The following RAP1GAP2 variants were observed in gnomAD, a reference collection of about 807,000 sequenced individuals.
RAP1GAP2 encodes the protein rap1 GTPase-activating protein 2.
RAP1GAP2 carries 27 observed loss-of-function variants against 95.0 expected under a neutral mutation model. That is an observed-to-expected ratio of 0.28 (90% CI 0.21 to 0.39). The LOEUF is 0.39. Among genes scored for constraint, RAP1GAP2 ranks in the 10% least tolerant of loss-of-function variants. RAP1GAP2 has a pLI of 1.00. For synonymous variants in RAP1GAP2, 373 were observed against 380.9 expected, an observed-to-expected ratio of 0.98 and a Z score of 0.24; for missense variants, 771 against 970.0, an observed-to-expected ratio of 0.79 and a Z score of 2.72.
intron 1 of RAP1GAP2, among the ~76,000 whole-genome samples, chr17:2,769,770 C>T (rs549230659): frequency 9.8e-4 from 149 of 151,980 alleles, no homozygotes; most frequent in African/African-American, 3.5e-3. Context: ...CAACTAACTT[C>T]TAGAAAGCTT....
intron 2 of RAP1GAP2, among the ~76,000 whole-genome samples, chr17:2,880,653 C>T (rs777278590): frequency 2.0e-5 from 3 of 151,984 alleles, no homozygotes; most frequent in Non-Finnish European, 4.4e-5. Context: ...TCCCCCATCC[C>T]GAAGCAACTA....
At chr17:2,985,142 C>T (rs1413975989) in intron 11 of RAP1GAP2, 76 bp downstream of exon 11, 41 of 1,595,410 alleles carry the variant, frequency 2.6e-5, no homozygotes, top group Non-Finnish European at 3.2e-5. Flanking sequence ...CCACCCAGAA[C>T]ACAGGAGTCC....
intron 2 of RAP1GAP2, among the ~76,000 whole-genome samples, chr17:2,864,108 C>T (rs147666602): frequency 7.9e-5 from 12 of 151,900 alleles, no homozygotes; most frequent in East Asian, 1.9e-4. Flanking sequence ...CCGTCTTGTC[C>T]CGTACGTAGC....
At chr17:2,826,349 G>A (rs1235882113) in intron 2 of RAP1GAP2, among the ~76,000 whole-genome samples, 2 of 151,808 alleles carry the variant, frequency 1.3e-5, no homozygotes, top group Non-Finnish European at 2.9e-5. Flanking sequence ...GCGGGTGGGT[G>A]GGGAAGTGTG....
intron 14 of RAP1GAP2, among the ~76,000 whole-genome samples, chr17:3,001,665 GCTGAACTA>G (rs1370222673): frequency 6.6e-6 from 1 of 152,254 alleles, no homozygotes; most frequent in Non-Finnish European, 1.5e-5. Context: ...CCACTGGGCA[GCTGAACTA>G]CTCAACTGCT....
At chr17:2,888,805 C>A (rs1327047256) in intron 2 of RAP1GAP2, among the ~76,000 whole-genome samples, 2 of 145,642 alleles carry the variant, frequency 1.4e-5, no homozygotes, top group Non-Finnish European at 3.0e-5. Flanking sequence ...TGTACACCAC[C>A]ACGCCCAGCT....
chr17:2,926,188 T>C (rs531450158), intron 3 of RAP1GAP2, among the ~76,000 whole-genome samples: 31 of 150,434 alleles, frequency 2.1e-4, no homozygotes, highest in Admixed American at 5.3e-4. Flanking sequence ...TGGGGGTAAC[T>C]GAGCTTAGTG....
At chr17:2,758,893 C>T (rs2071196962) in intron 1 of RAP1GAP2, among the ~76,000 whole-genome samples, 1 of 152,112 alleles carries the variant, frequency 6.6e-6, no homozygotes, top group African/African-American at 2.4e-5. Flanking sequence ...GCGATCACAG[C>T]TCACTGCAGC....
At chr17:3,018,405 C>T (rs1022603208) in intron 18 of RAP1GAP2, among the ~76,000 whole-genome samples, 1 of 152,098 alleles carries the variant, frequency 6.6e-6, no homozygotes, top group Non-Finnish European at 1.5e-5. Flanking sequence ...TAGACAGCAC[C>T]CGGGGTTGAC....
intron 2 of RAP1GAP2, among the ~76,000 whole-genome samples, chr17:2,877,105 T>C (rs2073127875): frequency 6.6e-6 from 1 of 151,874 alleles, no homozygotes; most frequent in Non-Finnish European, 1.5e-5. Flanking sequence ...CTCAGGCTGG[T>C]CTCGAACTCC....
chr17:2,853,848 C>T (rs1352596903), intron 2 of RAP1GAP2: 24 of 894,306 alleles, frequency 2.7e-5, no homozygotes, highest in Non-Finnish European at 3.2e-5. Context: ...GGTCACCTGA[C>T]CCCCGGGGCG....
chr17:2,796,340 G>T, upstream of RAP1GAP2: 1 of 648,132 alleles, frequency 1.5e-6, no homozygotes, highest in East Asian at 2.7e-5. This position sits in a 1 kb window ranked among gnomAD's most constrained non-coding sequence, Gnocchi z 4.7. Flanking sequence ...TGGAGTGCAG[G>T]ACACACCTCC....
rs1438286016 is a variant in RAP1GAP2 at position 3,027,801 on chromosome 17, A to C, written c.2107+731A>C. Among the ~76,000 whole-genome samples, 1 of 97,944 alleles carries C rather than the reference A, an allele frequency of 1.0e-5. No individual in the cohort carries two copies. Among genetic ancestry groups the C allele is most frequent in the East Asian group, 3.3e-4 (1 of 3,022 alleles). 64.3% of individuals were successfully genotyped at this position (97,944 alleles called of 152,430 possible). A position where few individuals can be genotyped will look rare whatever the true frequency, so the allele number is the denominator to read the frequency against. ...GGAGGGATGGAGGGGAGGGGAGAGG[A>C]GGGGAGGGGAGCTGCGGCAGAAGCA... On this transcript the variant is annotated intron_variant, in intron 22 of 24. Coordinates refer to ENST00000254695, the MANE Select transcript of RAP1GAP2 (RefSeq NM_015085.5). This position sits in a 1 kb window ranked among gnomAD's most constrained non-coding sequence, Gnocchi z 5.2.
rs2047212810 is a variant in RAP1GAP2 at position 3,029,035 on chromosome 17, T to C, written c.2108-1887T>C. 6.6e-6 allele frequency among the ~76,000 whole-genome samples: 1 copy of C among 152,170 alleles called. No homozygotes were observed. The highest frequency in any genetic ancestry group is 1.5e-5 in the Non-Finnish European group (1 of 68,038). ...GGCTGGTCTCGAACTCCTGACCTCG[T>C]GATCCACCCACCTCGGCCTCCCAAA... is the stretch of plus-strand genomic sequence containing the variant. On this transcript the variant is annotated intron_variant, in intron 22 of 24. Transcript: ENST00000254695. The surrounding 1 kb of genome is among the most constrained non-coding windows in gnomAD (Gnocchi z 4.4).
chr17:2,809,022 G>T (rs1347275806), intron 2 of RAP1GAP2, among the ~76,000 whole-genome samples: 1 of 152,166 alleles, frequency 6.6e-6, no homozygotes, highest in East Asian at 1.9e-4. Context: ...CCGGTGGTTG[G>T]CTTGATTTCA....
intron 3 of RAP1GAP2, among the ~76,000 whole-genome samples, chr17:2,947,955 C>A (rs554706386): frequency 1.3e-5 from 2 of 152,168 alleles, no homozygotes; most frequent in Non-Finnish European, 2.9e-5. Flanking sequence ...CTGGGACCCA[C>A]GTAGGTGCAA....
intron 3 of RAP1GAP2, among the ~76,000 whole-genome samples, chr17:2,930,760 A>G (rs183671895): frequency 3.2e-4 from 48 of 152,376 alleles, no homozygotes; most frequent in Admixed American, 2.3e-3. Flanking sequence ...GGACAGGCAA[A>G]TTAGAAACTG....
At chr17:2,779,139 G>A (rs1356656043) in intron 1 of RAP1GAP2, among the ~76,000 whole-genome samples, 1 of 152,210 alleles carries the variant, frequency 6.6e-6, no homozygotes, top group African/African-American at 2.4e-5. Flanking sequence ...CCTGGTCATT[G>A]CAGAAGTGTT....
chr17:2,992,797 C>A (rs933329604), intron 12 of RAP1GAP2, among the ~76,000 whole-genome samples: 3 of 152,134 alleles, frequency 2.0e-5, no homozygotes, highest in Non-Finnish European at 2.9e-5. Context: ...CCCTCAAGGT[C>A]ATCACGGCTG....
Sources: allele counts gnomAD v4.1 joint callset (sites outside exome capture counted in the v4.1 genomes callset), GRCh38; gene constraint gnomAD v4.1.1; non-coding constraint Gnocchi (gnomAD v3.1); transcripts MANE v1.5; gene names NCBI Gene and HGNC (gene_info 2026-07-23, HGNC 2026-07-21).